SLCO3A1: variants seen among roughly 807,000 people sequenced by gnomAD.
SLCO3A1 encodes PGE1 transporter.
In SLCO3A1, 27 loss-of-function variants were observed where a neutral mutation model predicts 63.1. The ratio of observed to expected loss-of-function variants is 0.43; its 90% CI spans 0.32 to 0.59. SLCO3A1 has a LOEUF of 0.59. Ranked by LOEUF, SLCO3A1 falls within the 20% of genes least tolerant of loss-of-function variation. The probability of loss-of-function intolerance (pLI) is 0.09; values close to 1 mark genes in which losing one functional copy is unlikely to be tolerated. For missense variants in SLCO3A1, 773 were observed against 945.8 expected, an observed-to-expected ratio of 0.82 and a Z score of 2.40; for synonymous variants, 473 against 409.9, an observed-to-expected ratio of 1.15 and a Z score of -1.86.
intron 2 of SLCO3A1, among the ~76,000 whole-genome samples, chr15:91,955,300 T>C (rs954297983): frequency 4.6e-5 from 7 of 152,094 alleles, no homozygotes; most frequent in Non-Finnish European, 1.0e-4. Flanking sequence ...TTAACCACTA[T>C]GCTGGGCTGC....
intron 4 of SLCO3A1, among the ~76,000 whole-genome samples, chr15:92,106,127 G>A (rs1170834095): frequency 6.6e-6 from 1 of 152,230 alleles, no homozygotes; most frequent in Non-Finnish European, 1.5e-5. Context: ...GTACCTGTTA[G>A]TCCATGAGAA....
At chr15:92,073,566 T>TC (rs1211229703) in intron 2 of SLCO3A1, among the ~76,000 whole-genome samples, 1 of 152,174 alleles carries the variant, frequency 6.6e-6, no homozygotes, top group Non-Finnish European at 1.5e-5. Flanking sequence ...CCCAGTGAGC[T>TC]CCCCACATCC....
At chr15:91,980,063 A>C (rs1412845916) in intron 2 of SLCO3A1, among the ~76,000 whole-genome samples, 2 of 152,214 alleles carry the variant, frequency 1.3e-5, no homozygotes, top group African/African-American at 2.4e-5. Flanking sequence ...AAAGCAACAG[A>C]GAGGCTGGAT....
chr15:92,103,562 A>G (rs1453861875), intron 3 of SLCO3A1, among the ~76,000 whole-genome samples: 2 of 152,004 alleles, frequency 1.3e-5, no homozygotes, highest in African/African-American at 4.8e-5. Context: ...AAGGCCCCTC[A>G]CCATAAATAA....
chr15:92,046,336 G>A (rs2046862828), intron 2 of SLCO3A1, among the ~76,000 whole-genome samples: 2 of 151,690 alleles, frequency 1.3e-5, no homozygotes, highest in South Asian at 4.2e-4. Flanking sequence ...CCAACATGGT[G>A]AAACCTTGTC....
intron 2 of SLCO3A1, among the ~76,000 whole-genome samples, chr15:91,944,146 T>C (rs2151402998): frequency 2.0e-5 from 3 of 152,296 alleles, no homozygotes; most frequent in Middle Eastern, 6.8e-3. Context: ...GTTGCTGATG[T>C]ATGTTGATCT....
chr15:92,043,486 C>T (rs8037932), intron 2 of SLCO3A1, among the ~76,000 whole-genome samples: 6,859 of 152,258 alleles, frequency 0.045, 478 homozygotes, highest in African/African-American at 0.16. Flanking sequence ...ACGTCAGTTC[C>T]ACTGTGTGAG....
chr15:92,104,374 T>G lies in SLCO3A1; in HGVS notation c.841T>G (p.Leu281Val). Residue 281 changes from leucine to valine, a missense_variant, in exon 4 of 10, where the codon TTG becomes GTG. By Grantham distance (32) the Leu-to-Val change is conservative (BLOSUM62 1). Coordinates refer to ENST00000318445, the MANE Select transcript of SLCO3A1 (RefSeq NM_013272.4). ...CGALLFFSSL[L>V]MFGFPQSLPP... The stretch of plus-strand genomic sequence containing the variant: ...TGCCTTACTCTTCTTCTCTTCCCTC[T>G]TGATGTTTGGGTTTCCACAGTCCCT... 6.2e-7 allele frequency: 1 copy of G among 1,614,188 alleles called. No individual in the cohort carries two copies. The highest frequency in any genetic ancestry group is 2.2e-5 in the East Asian group (1 of 44,876).
intron 2 of SLCO3A1, among the ~76,000 whole-genome samples, chr15:92,002,439 C>G (rs1438496434): frequency 2.0e-5 from 3 of 152,172 alleles, no homozygotes; most frequent in African/African-American, 4.8e-5. Flanking sequence ...ACATTTCTTA[C>G]AAGTCCATAA....
Position 92,126,052 on chromosome 15 carries a change from T to TCC in SLCO3A1, c.1175-8_1175-7dup, listed in dbSNP as rs750758558. 8.2e-5 allele frequency: 132 copies of TCC among 1,613,204 alleles called. 1 individual carries two copies. The African/African-American group carries it at 1.6e-3, about 19-fold the overall frequency. On this transcript the variant is annotated splice_polypyrimidine_tract_variant and intron_variant, in intron 5 of 9. Coordinates refer to ENST00000318445, the MANE Select transcript of SLCO3A1 (RefSeq NM_013272.4). The stretch of plus-strand genomic sequence containing the variant: ...TGTTCACAGCCCTGCCCCTCTATTT[T>TCC]CCTTCCAGGGATGACTGCGATCCCG...
At chr15:91,966,054 A>T (rs1367037803) in intron 2 of SLCO3A1, among the ~76,000 whole-genome samples, 1 of 152,150 alleles carries the variant, frequency 6.6e-6, no homozygotes, top group African/African-American at 2.4e-5. Flanking sequence ...TCCAGAAGGC[A>T]TCAGAGCCTC....
rs545814295 is a variant in SLCO3A1, at chr15:91,975,508, G to C, written c.646+59050G>C. 9.1e-4 allele frequency among the ~76,000 whole-genome samples: 139 copies of C among 152,370 alleles called. 1 individual carries two copies. The highest frequency in any genetic ancestry group is 3.3e-3 in the African/African-American group (136 of 41,590). On this transcript the variant is annotated intron_variant, in intron 2 of 9. Coordinates refer to ENST00000318445, the MANE Select transcript of SLCO3A1 (RefSeq NM_013272.4). The stretch of plus-strand genomic sequence containing the variant: ...AGCTGTCATGCCACACACTTGGTGA[G>C]AGCCCTGCTTATGAAGCAGCTGTGT...
In SLCO3A1 at chr15:91,862,472, A is replaced by G. The variant is rs1403499655; in HGVS notation, c.180+8384A>G. 1.3e-5 allele frequency among the ~76,000 whole-genome samples: 2 copies of G among 152,286 alleles called. No individual in the cohort carries two copies. Among genetic ancestry groups the G allele is most frequent in the East Asian group, 1.9e-4 (1 of 5,178 alleles). On this transcript the variant is annotated intron_variant, in intron 1 of 9. Transcript: ENST00000318445. This position sits in a 1 kb window ranked among gnomAD's most constrained non-coding sequence, Gnocchi z 4.0. Reference sequence around the variant, plus strand: ...AAAATTCTGGGAACAGGCTGTGCCCATAAACCCATCCCATAGGCAGTGATG... The same window carrying G: ...AAAATTCTGGGAACAGGCTGTGCCCGTAAACCCATCCCATAGGCAGTGATG...
At chr15:92,061,293 T>G (rs2047083544) in intron 2 of SLCO3A1, among the ~76,000 whole-genome samples, 1 of 152,174 alleles carries the variant, frequency 6.6e-6, no homozygotes, top group Admixed American at 6.5e-5. Flanking sequence ...CTAATAATAT[T>G]TCAGGATCAC....
chr15:91,912,571 C>G lies in SLCO3A1; in HGVS notation c.181-3422C>G, dbSNP rs1297549101. 1.3e-5 allele frequency among the ~76,000 whole-genome samples: 2 copies of G among 152,232 alleles called. No individual in the cohort carries two copies. The highest frequency in any genetic ancestry group is 6.5e-5 in the Admixed American group (1 of 15,286). The stretch of plus-strand genomic sequence containing the variant: ...CCTTATCTGTCATCAATGTGCACAC[C>G]TGCATGATATTTTATGACACAGCAC... On this transcript the variant is annotated intron_variant, in intron 1 of 9. Coordinates refer to ENST00000318445, the MANE Select transcript of SLCO3A1 (RefSeq NM_013272.4). This position sits in a 1 kb window ranked among gnomAD's most constrained non-coding sequence, Gnocchi z 5.0.
Position 91,912,723 on chromosome 15 carries a change from C to T in SLCO3A1, c.181-3270C>T, listed in dbSNP as rs1405222650. 6.6e-6 allele frequency among the ~76,000 whole-genome samples: 1 copy of T among 152,156 alleles called. No homozygotes were observed. The highest frequency in any genetic ancestry group is 1.5e-5 in the Non-Finnish European group (1 of 68,016). ...TTCCCCCTACTTTGTTACCCTCCAG[C>T]CTCATGGTGGGTCCTAAAGCTGAAG... On this transcript the variant is annotated intron_variant, in intron 1 of 9. Coordinates refer to ENST00000318445, the MANE Select transcript of SLCO3A1 (RefSeq NM_013272.4). This position sits in a 1 kb window ranked among gnomAD's most constrained non-coding sequence, Gnocchi z 5.0.
At chr15:92,040,784 A>G (rs1455916197) in intron 2 of SLCO3A1, among the ~76,000 whole-genome samples, 1 of 152,150 alleles carries the variant, frequency 6.6e-6, no homozygotes, top group African/African-American at 2.4e-5. Flanking sequence ...GCCTTCTTTA[A>G]TTACTGTCCT....
chr15:92,038,051 C>T (rs1597246973), intron 2 of SLCO3A1, among the ~76,000 whole-genome samples: 1 of 152,284 alleles, frequency 6.6e-6, no homozygotes. Context: ...CCAAGAACCT[C>T]CCATGAAGGT....
intron 2 of SLCO3A1, among the ~76,000 whole-genome samples, chr15:92,052,748 C>T (rs2046972600): frequency 6.6e-6 from 1 of 152,170 alleles, no homozygotes; most frequent in African/African-American, 2.4e-5. Context: ...GGCCAGTCCA[C>T]ACTGAGATGT....
Sources: allele counts gnomAD v4.1 joint callset (sites outside exome capture counted in the v4.1 genomes callset), GRCh38; gene constraint gnomAD v4.1.1; non-coding constraint Gnocchi (gnomAD v3.1); transcripts MANE v1.5; gene names NCBI Gene and HGNC (gene_info 2026-07-23, HGNC 2026-07-21).